CAST: variants seen among roughly 807,000 people sequenced by gnomAD.
CAST encodes MIR583 host.
CAST carries 76 observed loss-of-function variants against 119.6 expected under a neutral mutation model. That is an observed-to-expected ratio of 0.64 (90% CI 0.53 to 0.77). The LOEUF is 0.77. Ranked by LOEUF, CAST falls within the 30% of genes least tolerant of loss-of-function variation. The pLI is 0.00. For missense variants in CAST, 953 were observed against 946.5 expected, an observed-to-expected ratio of 1.01 and a Z score of -0.09; for synonymous variants, 319 against 331.6, an observed-to-expected ratio of 0.96 and a Z score of 0.41.
the CAST span, among the ~76,000 whole-genome samples, chr5:95,989,754 A>G: frequency 6.6e-6 from 1 of 152,154 alleles, no homozygotes; most frequent in African/African-American, 2.4e-5. Flanking sequence ...AAAGATCATT[A>G]TGTCCAATGT....
At chr5:96,094,810 C>T in the CAST span, among the ~76,000 whole-genome samples, 1 of 152,176 alleles carries the variant, frequency 6.6e-6, no homozygotes, top group South Asian at 2.1e-4. Flanking sequence ...GACATTGGTT[C>T]TCTACGGTTT....
chr5:96,297,049 T>A, the CAST span, among the ~76,000 whole-genome samples: 85,142 of 151,390 alleles, frequency 0.56, 24,454 homozygotes, highest in South Asian at 0.62. Context: ...TGGAGTATAT[T>A]TTCAGTGTGA....
the CAST span, chr5:96,432,310 C>A: frequency 4.8e-6 from 3 of 618,926 alleles, no homozygotes; most frequent in Non-Finnish European, 8.5e-6. Flanking sequence ...ACCTCCTGGT[C>A]GCGAGTCCCA....
chr5:96,737,463 A>T (rs1761903434), intron 10 of CAST, among the ~76,000 whole-genome samples: 1 of 152,152 alleles, frequency 6.6e-6, no homozygotes, highest in African/African-American at 2.4e-5. Context: ...AATACCAAGC[A>T]TTTCCCTTAT....
the CAST span, among the ~76,000 whole-genome samples, chr5:96,054,719 T>A: frequency 6.6e-6 from 1 of 152,302 alleles, no homozygotes; most frequent in Middle Eastern, 3.4e-3. Flanking sequence ...AAAGTGTGGT[T>A]TAGTTCAATA....
the CAST span, among the ~76,000 whole-genome samples, chr5:96,312,322 T>A: frequency 6.6e-6 from 1 of 152,140 alleles, no homozygotes; most frequent in Admixed American, 6.5e-5. Flanking sequence ...CCAGATGTCC[T>A]CTAAGATACC....
At chr5:96,292,000 A>G in the CAST span, among the ~76,000 whole-genome samples, 2 of 152,082 alleles carry the variant, frequency 1.3e-5, no homozygotes, top group Non-Finnish European at 1.5e-5. Flanking sequence ...TGAAAGCCAA[A>G]CCTAGAACAA....
chr5:96,590,874 AGTT>A, intron 1 of CAST, among the ~76,000 whole-genome samples: 1 of 152,368 alleles, frequency 6.6e-6, no homozygotes, highest in East Asian at 1.9e-4. Context: ...AATATTAACT[AGTT>A]AATTAATTAA....
At chr5:96,571,558 C>G (rs367572835) in intron 1 of CAST, among the ~76,000 whole-genome samples, 2 of 152,130 alleles carry the variant, frequency 1.3e-5, no homozygotes, top group African/African-American at 2.4e-5. Context: ...TTAACTGAAC[C>G]GACCATTGAA....
chr5:96,555,579 T>C (rs1408347448), intron 1 of CAST, among the ~76,000 whole-genome samples: 5 of 152,180 alleles, frequency 3.3e-5, no homozygotes, highest in Non-Finnish European at 5.9e-5. Flanking sequence ...GGACATTATA[T>C]CCCGCACCTG....
At chr5:96,330,508 C>T in the CAST span, among the ~76,000 whole-genome samples, 3 of 152,156 alleles carry the variant, frequency 2.0e-5, no homozygotes, top group African/African-American at 7.2e-5. Flanking sequence ...AATAGCTCGT[C>T]GTTTTATTAT....
At chr5:96,670,499 T>C (rs956915462) in intron 1 of CAST, among the ~76,000 whole-genome samples, 2 of 150,744 alleles carry the variant, frequency 1.3e-5, no homozygotes, top group African/African-American at 2.5e-5. Context: ...GTTTCTTTGA[T>C]TTTTTTTTCT....
chr5:96,509,093 A>T, the CAST span, among the ~76,000 whole-genome samples: 47,513 of 152,172 alleles, frequency 0.31, 7,999 homozygotes, highest in Middle Eastern at 0.39. Flanking sequence ...GAATCCTAAA[A>T]TATTCTCCAT....
the CAST span, among the ~76,000 whole-genome samples, chr5:96,047,052 C>G: frequency 6.6e-6 from 1 of 152,044 alleles, no homozygotes; most frequent in African/African-American, 2.4e-5. Context: ...TCACATCATT[C>G]CTAAAGAACC....
intron 1 of CAST, among the ~76,000 whole-genome samples, chr5:96,618,123 C>T (rs1177253668): frequency 6.6e-6 from 1 of 152,190 alleles, no homozygotes; most frequent in Non-Finnish European, 1.5e-5. Context: ...CGCAGTCCTA[C>T]AGGGCTAACT....
chr5:96,538,045 C>T (rs72770182), intron 1 of CAST, among the ~76,000 whole-genome samples: 18 of 152,260 alleles, frequency 1.2e-4, no homozygotes, highest in Non-Finnish European at 2.6e-4. Context: ...TTTTCTCTCC[C>T]ACCCCTCTGA....
intron 1 of CAST, among the ~76,000 whole-genome samples, chr5:96,538,848 A>T (rs1441563807): frequency 6.6e-6 from 1 of 151,350 alleles, no homozygotes; most frequent in East Asian, 2.0e-4. Context: ...TTTGGGGTTT[A>T]AAAAAAATCT....
intron 1 of CAST, among the ~76,000 whole-genome samples, chr5:96,594,445 T>G (rs1298378490): frequency 6.6e-6 from 1 of 152,212 alleles, no homozygotes; most frequent in Non-Finnish European, 1.5e-5. Context: ...AATACTAAGA[T>G]TATGTAATTT....
the CAST span, among the ~76,000 whole-genome samples, chr5:96,212,263 A>G: frequency 6.6e-6 from 1 of 152,126 alleles, no homozygotes; most frequent in Non-Finnish European, 1.5e-5. Context: ...GTAAGCATTT[A>G]ATGCTGTAAA....
Sources: gnomAD v4.1 joint callset for allele counts (sites outside exome capture counted in the v4.1 genomes callset) on GRCh38, gnomAD v4.1.1 for gene constraint, MANE v1.5 for transcripts, NCBI Gene and HGNC (gene_info 2026-07-23, HGNC 2026-07-21) for gene names.